Variants in SETDB1 observed in about 807,000 individuals in gnomAD.
SETDB1 encodes histone-lysine N-methyltransferase SETDB1.
A neutral mutation model predicts 137.4 loss-of-function variants in SETDB1; 31 were observed. The observed-to-expected ratio is 0.23, with a 90% CI of 0.17 to 0.30. The LOEUF is 0.30. SETDB1 is among the 10% of genes least tolerant of loss of function. SETDB1 has a pLI of 1.00. For synonymous variants in SETDB1, 548 were observed against 579.9 expected (o/e 0.95, Z 0.79); for missense variants, 1,113 against 1,631.5 (o/e 0.68, Z 5.47).
intron 3 of SETDB1, among the ~76,000 whole-genome samples, chr1:150,935,900 CTCTTA>C (rs1669931740): frequency 6.6e-6 from 1 of 152,058 alleles, no homozygotes; most frequent in African/African-American, 2.4e-5. Flanking sequence ...CTTTGCATGT[CTCTTA>C]TCTTTTTGTT....
chr1:150,963,924 A>G, intron 20 of SETDB1, 71 bp from the exon 21 acceptor site: 1 of 1,452,234 alleles, frequency 6.9e-7, no homozygotes, highest in East Asian at 2.3e-5. Context: ...TTTTCTTCCA[A>G]CTCTCACTCT....
At position 150,955,309 on chromosome 1, in the gene SETDB1, G is replaced by A. The variant is rs1234786903; in HGVS notation, c.2333+3828G>A. Among the ~76,000 whole-genome samples the A allele has an allele frequency of 5.3e-5, 8 of 152,232 alleles. No individual in the cohort carries two copies. The South Asian group carries it at 1.0e-3, about 20-fold the overall frequency. ...ATCACAAATAATATATCACTCCCCT[G>A]CTTAACTCTATAATATAGTCCCTCT... is the stretch of plus-strand genomic sequence containing the variant. On this transcript the variant is annotated intron_variant, in intron 14 of 21. Coordinates refer to ENST00000692827, the MANE Select transcript of SETDB1 (RefSeq NM_001366418.1).
chr1:150,960,433 C>T (rs1043706069), intron 15 of SETDB1, 130 bp from the exon 16 acceptor site: 36 of 738,186 alleles, frequency 4.9e-5, no homozygotes, highest in Admixed American at 3.0e-4. Context: ...GCCGAGATCG[C>T]GCCACTGCAC....
Position 150,964,334 on chromosome 1 carries a change from G to C in SETDB1, c.3849G>C (p.Gly1283=). The C allele has an allele frequency of 6.2e-7, 1 of 1,613,996 alleles. No homozygotes were observed. The highest frequency in any genetic ancestry group is 8.5e-7 in the Non-Finnish European group (1 of 1,179,838). ...VEGKELLCCC[G]AIECRGRLL is the part of the protein sequence containing the mutation. ...GCAAGGAGCTACTCTGTTGCTGTGG[G>C]GCCATTGAATGCAGAGGACGTCTTC... Residue 1283 remains glycine, a synonymous_variant, in exon 22 of 22, where the codon GGG becomes GGC. Coordinates refer to ENST00000692827, the MANE Select transcript of SETDB1 (RefSeq NM_001366418.1).
chr1:150,932,266 C>G (rs587707774), intron 3 of SETDB1, among the ~76,000 whole-genome samples: 3 of 150,370 alleles, frequency 2.0e-5, no homozygotes, highest in Non-Finnish European at 4.4e-5. Flanking sequence ...ATTTTTACAT[C>G]TGTTTCATGA....
At chr1:150,951,221 G>C in intron 13 of SETDB1, 131 bp downstream of exon 13, 1 of 1,187,916 alleles carries the variant, frequency 8.4e-7, no homozygotes, top group Non-Finnish European at 1.2e-6. Flanking sequence ...TGGAACTCCT[G>C]CTATAAGGCC....
In SETDB1 at chr1:150,949,544, C is replaced by G. The variant is rs1670437097; in HGVS notation, c.1583+19C>G. The G allele has an allele frequency of 1.2e-6, 2 of 1,612,538 alleles. No individual in the cohort carries two copies. Among genetic ancestry groups the G allele is most frequent in the Non-Finnish European group, 1.7e-6 (2 of 1,178,934 alleles). ...CATATAGGTGAGAAAATCTGAGGCT[C>G]TCTGTAGGCAGGATAGCAATGAGTG... On this transcript the variant is annotated intron_variant, in intron 12 of 21. Coordinates refer to ENST00000692827, the MANE Select transcript of SETDB1 (RefSeq NM_001366418.1).
intron 14 of SETDB1, among the ~76,000 whole-genome samples, chr1:150,958,056 C>T (rs868817568): frequency 4.6e-5 from 7 of 151,588 alleles, no homozygotes; most frequent in Non-Finnish European, 1.0e-4. Flanking sequence ...CACGGTGGCG[C>T]GTGCCTGTAA....
At chr1:150,957,116 CAA>C (rs1268658002) in intron 14 of SETDB1, among the ~76,000 whole-genome samples, 10 of 132,076 alleles carry the variant, frequency 7.6e-5, no homozygotes, top group Non-Finnish European at 8.3e-5. Context: ...GACCATGACT[CAA>C]AAAAAAAAAA....
intron 1 of SETDB1, 129 bp from the exon 2 acceptor site, chr1:150,927,575 G>A: frequency 1.3e-6 from 1 of 785,902 alleles, no homozygotes; most frequent in Non-Finnish European, 2.0e-6. Context: ...TAGGGAGGGA[G>A]AACATGGAAT....
intron 2 of SETDB1, among the ~76,000 whole-genome samples, chr1:150,929,606 T>G (rs1331304502): frequency 1.3e-5 from 2 of 151,970 alleles, no homozygotes; most frequent in African/African-American, 2.4e-5. Flanking sequence ...GAGGTCAAAT[T>G]CCTGACCTCA....
intron 17 of SETDB1, among the ~76,000 whole-genome samples, 180 bp from the exon 18 acceptor site, chr1:150,962,407 G>A (rs1053086045): frequency 6.6e-6 from 1 of 152,002 alleles, no homozygotes; most frequent in South Asian, 2.1e-4. Context: ...GGGCTCAAGC[G>A]ATGCTCCCAA....
chr1:150,962,095 T>C lies in SETDB1; in HGVS notation c.3133-35T>C, dbSNP rs899444266. The C allele has an allele frequency of 3.7e-6, 6 of 1,613,718 alleles. No homozygotes were observed. In the African/African-American group the frequency reaches 8.0e-5, roughly 22 times the overall value. ...TTATTGGACTTGTTACCCGAGGCTG[T>C]GAAAGCATTTAACCCTTCACTTGTT... is the stretch of plus-strand genomic sequence containing the variant. On this transcript the variant is annotated intron_variant, in intron 16 of 21. Transcript: ENST00000692827.
At position 150,929,899 on chromosome 1, in the gene SETDB1, G is replaced by A. The variant is rs866894098; in HGVS notation, c.261-68G>A. Reference sequence around the variant, plus strand: ...GTCTATACTTAAATATATATACATCGTAATGGATTCTATATCTCTTAATTC... The same window carrying A: ...GTCTATACTTAAATATATATACATCATAATGGATTCTATATCTCTTAATTC... On this transcript the variant is annotated intron_variant, in intron 2 of 21. Coordinates refer to ENST00000692827, the MANE Select transcript of SETDB1 (RefSeq NM_001366418.1). 1.6e-5 allele frequency: 21 copies of A among 1,305,984 alleles called. No homozygotes were observed. The Middle Eastern group carries it at 6.8e-4, about 42-fold the overall frequency. 80.9% of individuals were successfully genotyped at this position (1,305,984 alleles called of 1,614,324 possible). A position where few individuals can be genotyped will look rare whatever the true frequency, so the allele number is the denominator to read the frequency against.
chr1:150,926,633 C>T (rs1669527309), intron 1 of SETDB1, 116 bp downstream of exon 1: 6 of 437,720 alleles, frequency 1.4e-5, no homozygotes, highest in South Asian at 8.0e-5. Context: ...CGAACGGGGG[C>T]GGGGCTGAAC....
At chr1:150,937,149 T>A (rs1669971197) in intron 3 of SETDB1, among the ~76,000 whole-genome samples, 1 of 147,640 alleles carries the variant, frequency 6.8e-6, no homozygotes, top group East Asian at 2.0e-4. Flanking sequence ...TGTGTATATA[T>A]ATAGTATTAC....
intron 3 of SETDB1, among the ~76,000 whole-genome samples, chr1:150,935,245 G>C (rs1249908488): frequency 6.6e-6 from 1 of 152,208 alleles, no homozygotes; most frequent in Non-Finnish European, 1.5e-5. Context: ...TTTGTATCAT[G>C]TATATGAGTC....
intron 5 of SETDB1, among the ~76,000 whole-genome samples, chr1:150,941,970 T>A (rs768581224): frequency 2.7e-5 from 4 of 150,444 alleles, no homozygotes; most frequent in African/African-American, 4.9e-5. Context: ...TGAAACTCTG[T>A]CTCTATTAAA....
intron 10 of SETDB1, 70 bp downstream of exon 10, chr1:150,947,082 C>T (rs933273572): frequency 9.4e-5 from 148 of 1,567,166 alleles, no homozygotes; most frequent in Non-Finnish European, 1.2e-4. Flanking sequence ...TATACAATGG[C>T]TATCCTTTGA....
Sources: allele counts gnomAD v4.1 joint callset (sites outside exome capture counted in the v4.1 genomes callset), GRCh38; gene constraint gnomAD v4.1.1; transcripts MANE v1.5; gene names NCBI Gene and HGNC (gene_info 2026-07-23, HGNC 2026-07-21).